The following TEX9 variants were observed in gnomAD, a reference collection of about 807,000 sequenced individuals.
TEX9 encodes the protein testis-expressed protein 9.
A neutral mutation model predicts 59.6 loss-of-function variants in TEX9; 74 were observed. That is an observed-to-expected ratio of 1.24 (90% CI 1.03 to 1.51). TEX9 has a LOEUF of 1.51. Among genes scored for constraint, TEX9 ranks in the 40% most tolerant of loss-of-function variants. The probability of loss-of-function intolerance (pLI) is 0.00; values close to 1 mark genes in which losing one functional copy is unlikely to be tolerated. For synonymous variants in TEX9, 186 were observed against 152.2 expected (o/e 1.22, Z -1.64); for missense variants, 522 against 447.8 (o/e 1.17, Z -1.49).
chr15:56,270,188 TC>T (rs1233906422), intron 1 of TEX9, among the ~76,000 whole-genome samples: 2 of 152,276 alleles, frequency 1.3e-5, no homozygotes, highest in African/African-American at 4.8e-5. Flanking sequence ...TGAGTTTAAG[TC>T]CTGGATATCC....
Position 56,444,793 on chromosome 15 carries a change from T to C in TEX9, c.*30-878T>C, listed in dbSNP as rs1216025138. Reference sequence around the variant, plus strand: ...TTTACATAAAATAAATTTTTTCATCTGTCTAGGTTAAAAAGCAAAAGTAAG... The same window carrying C: ...TTTACATAAAATAAATTTTTTCATCCGTCTAGGTTAAAAAGCAAAAGTAAG... On this transcript the variant is annotated intron_variant, in intron 12 of 12. Transcript: ENST00000352903. 6.5e-6 allele frequency: 6 copies of C among 920,696 alleles called. No individual in the cohort carries two copies. The East Asian group carries it at 1.6e-4, about 24-fold the overall frequency. 57.0% of individuals were successfully genotyped at this position (920,696 alleles called of 1,614,324 possible).
chr15:56,263,044 G>A (rs1486813890), intron 1 of TEX9, among the ~76,000 whole-genome samples: 1 of 152,010 alleles, frequency 6.6e-6, no homozygotes, highest in Non-Finnish European at 1.5e-5. Context: ...TGTTTTTTGA[G>A]ACGGAGTTTT....
chr15:56,446,927 A>T, downstream of TEX9: 1 of 1,608,348 alleles, frequency 6.2e-7, no homozygotes, highest in South Asian at 1.1e-5. Context: ...TTCTTCTCCA[A>T]TTCTCTAAGC....
intron 1 of TEX9, among the ~76,000 whole-genome samples, chr15:56,339,836 G>A (rs1268991693): frequency 6.6e-6 from 1 of 151,926 alleles, no homozygotes; most frequent in African/African-American, 2.4e-5. Flanking sequence ...TCTGACTTGT[G>A]AGGACATAGG....
At chr15:56,345,773 C>T (rs1042562652) in intron 1 of TEX9, among the ~76,000 whole-genome samples, 1 of 152,156 alleles carries the variant, frequency 6.6e-6, no homozygotes, top group Non-Finnish European at 1.5e-5. Flanking sequence ...AAGGCCCAAG[C>T]ACAGAGAAGA....
intron 10 of TEX9, chr15:56,421,563 T>G (rs2049977820): frequency 1.3e-5 from 2 of 151,824 alleles, no homozygotes; most frequent in Non-Finnish European, 2.9e-5. Flanking sequence ...CTTTTTCCAT[T>G]CTTTTATTTG....
intron 1 of TEX9, among the ~76,000 whole-genome samples, chr15:56,306,515 A>C (rs2045489816): frequency 6.6e-6 from 1 of 152,194 alleles, no homozygotes; most frequent in African/African-American, 2.4e-5. Context: ...GCACAGGACA[A>C]ACTTTGCATG....
intron 10 of TEX9, among the ~76,000 whole-genome samples, chr15:56,420,859 C>G (rs1452132199): frequency 6.6e-6 from 1 of 151,766 alleles, no homozygotes; most frequent in Non-Finnish European, 1.5e-5. Flanking sequence ...GGGATTTTCC[C>G]CAGATACCAT....
At chr15:56,327,137 GA>G (rs1464139971) in intron 1 of TEX9, among the ~76,000 whole-genome samples, 1 of 151,866 alleles carries the variant, frequency 6.6e-6, no homozygotes, top group African/African-American at 2.4e-5. Context: ...TATTCCTAAA[GA>G]AAAATCATTC....
At chr15:56,364,471 T>TTC (rs1555436278), upstream of TEX9, among the ~76,000 whole-genome samples, 4 of 151,294 alleles carry the variant, frequency 2.6e-5, no homozygotes, top group Non-Finnish European at 5.9e-5. Context: ...CTTTTCTTTT[T>TTC]TTTTTTTTTT....
chr15:56,250,435 A>G (rs1262340712), intron 1 of TEX9, among the ~76,000 whole-genome samples: 19 of 152,150 alleles, frequency 1.2e-4, no homozygotes, highest in Admixed American at 1.2e-3. Flanking sequence ...GAGTAGAAGC[A>G]GGAAAACGAG....
chr15:56,344,158 G>T (rs1236489522), intron 1 of TEX9, among the ~76,000 whole-genome samples: 1 of 152,130 alleles, frequency 6.6e-6, no homozygotes, highest in Non-Finnish European at 1.5e-5. Flanking sequence ...CAGCAATTCT[G>T]CTCCTAGGTA....
At chr15:56,264,204 A>G (rs1429142498) in intron 1 of TEX9, among the ~76,000 whole-genome samples, 4 of 152,214 alleles carry the variant, frequency 2.6e-5, no homozygotes, top group African/African-American at 9.6e-5. Flanking sequence ...GCAATAATGA[A>G]TAAGGATTCC....
At chr15:56,447,503 A>T (rs1326167691), downstream of TEX9, 1 of 152,116 alleles carries the variant, frequency 6.6e-6, no homozygotes, top group Non-Finnish European at 1.5e-5. Flanking sequence ...TGGTAGTTTT[A>T]TACTTTTCAT....
intron 1 of TEX9, among the ~76,000 whole-genome samples, chr15:56,282,707 T>A (rs768084945): frequency 2.0e-5 from 3 of 152,172 alleles, no homozygotes; most frequent in Non-Finnish European, 2.9e-5. Context: ...TAGAGTTAGA[T>A]AGTTGAAAGG....
the TEX9 span, among the ~76,000 whole-genome samples, chr15:56,455,951 A>C: frequency 1.9e-4 from 29 of 152,232 alleles, no homozygotes; most frequent in African/African-American, 7.0e-4. Context: ...ATTAATTTTA[A>C]AACAATGGGG....
intron 9 of TEX9, among the ~76,000 whole-genome samples, chr15:56,400,393 A>G (rs1195858100): frequency 6.6e-6 from 1 of 152,218 alleles, no homozygotes; most frequent in African/African-American, 2.4e-5. Flanking sequence ...TAGGGATTGA[A>G]GATCTAATTA....
At chr15:56,372,970 C>T (rs1407526901) in intron 2 of TEX9, among the ~76,000 whole-genome samples, 2 of 152,146 alleles carry the variant, frequency 1.3e-5, no homozygotes, top group African/African-American at 4.8e-5. Context: ...TGGGTCTGCT[C>T]ACTAAACCTC....
intron 3 of TEX9, among the ~76,000 whole-genome samples, chr15:56,382,100 C>G (rs1465922210): frequency 6.6e-6 from 1 of 152,186 alleles, no homozygotes; most frequent in Non-Finnish European, 1.5e-5. Flanking sequence ...GTTCACTCCC[C>G]TTTCCACAGG....
Sources: allele counts gnomAD v4.1 joint callset (sites outside exome capture counted in the v4.1 genomes callset), GRCh38; gene constraint gnomAD v4.1.1; transcripts MANE v1.5; gene names NCBI Gene and HGNC (gene_info 2026-07-23, HGNC 2026-07-21).